ZFHX3: variants seen among roughly 807,000 people sequenced by gnomAD.
ZFHX3 encodes zinc finger homeobox protein 3.
Under a neutral mutation model 279.1 loss-of-function variants are expected in ZFHX3, and 42 were observed. The observed-to-expected ratio is 0.15, with a 90% CI of 0.12 to 0.19. The LOEUF is 0.19. Ranked by LOEUF, ZFHX3 falls within the 10% of genes least tolerant of loss-of-function variation. ZFHX3 has a pLI of 1.00. For missense variants in ZFHX3, 4,981 were observed against 4,754.0 expected (o/e 1.05, Z -1.40); for synonymous variants, 2,293 against 1,957.8 (o/e 1.17, Z -4.52).
chr16:73,738,262 CA>C (rs1489998634), intron 1 of ZFHX3, among the ~76,000 whole-genome samples: 7 of 152,168 alleles, frequency 4.6e-5, no homozygotes, highest in Admixed American at 2.6e-4. Context: ...ACCCTTGCAG[CA>C]GGCTCTCTAG....
chr16:73,593,511 A>G (rs935333967), intron 2 of ZFHX3, among the ~76,000 whole-genome samples: 2 of 141,308 alleles, frequency 1.4e-5, no homozygotes, highest in African/African-American at 5.1e-5. Context: ...CAGGTTCTAT[A>G]TTTGTGGATT....
chr16:73,549,806 T>C (rs566651321), intron 2 of ZFHX3, among the ~76,000 whole-genome samples: 4 of 152,082 alleles, frequency 2.6e-5, no homozygotes, highest in African/African-American at 9.6e-5. Flanking sequence ...TTTTTCTTCT[T>C]TTTCTTCTTC....
At chr16:72,904,746 C>T (rs1229295515) in intron 3 of ZFHX3, among the ~76,000 whole-genome samples, 1 of 151,248 alleles carries the variant, frequency 6.6e-6, no homozygotes, top group Non-Finnish European at 1.5e-5. Context: ...ATGCATTGCA[C>T]CTGAGCTAAA....
intron 4 of ZFHX3, among the ~76,000 whole-genome samples, chr16:72,883,295 C>T (rs1290503865): frequency 2.0e-5 from 3 of 152,090 alleles, no homozygotes; most frequent in Non-Finnish European, 4.4e-5. Flanking sequence ...AGGAGAATCA[C>T]AGAGTAATCA....
intron 4 of ZFHX3, among the ~76,000 whole-genome samples, chr16:73,295,927 G>A (rs1027008929): frequency 1.3e-5 from 2 of 152,206 alleles, no homozygotes; most frequent in African/African-American, 4.8e-5. Flanking sequence ...AGCCACCTGT[G>A]TCTCTTGCCC....
At chr16:72,993,016 A>G (rs543330140) in intron 1 of ZFHX3, among the ~76,000 whole-genome samples, 2 of 152,352 alleles carry the variant, frequency 1.3e-5, no homozygotes, top group Admixed American at 1.3e-4. Flanking sequence ...AGGCGCCTGT[A>G]ATCCCAGCTA....
chr16:73,882,471 C>T (rs903963923), intron 1 of ZFHX3, among the ~76,000 whole-genome samples: 3 of 150,102 alleles, frequency 2.0e-5, no homozygotes, highest in Non-Finnish European at 4.4e-5. Flanking sequence ...TTTTTTTTTT[C>T]CCATCTCTAA....
intron 1 of ZFHX3, among the ~76,000 whole-genome samples, chr16:73,764,628 C>T (rs532671427): frequency 3.9e-5 from 6 of 152,112 alleles, no homozygotes; most frequent in Non-Finnish European, 8.8e-5. Context: ...GGAAGGAGAG[C>T]TCTCTATGTT....
intron 1 of ZFHX3, among the ~76,000 whole-genome samples, chr16:73,724,554 C>T (rs2053502181): frequency 6.6e-6 from 1 of 152,178 alleles, no homozygotes; most frequent in South Asian, 2.1e-4. Flanking sequence ...TTTGCCCAGC[C>T]TTGGTAGGCA....
At chr16:73,187,259 T>A (rs1427160624) in intron 5 of ZFHX3, among the ~76,000 whole-genome samples, 1 of 152,182 alleles carries the variant, frequency 6.6e-6, no homozygotes, top group African/African-American at 2.4e-5. Context: ...TTTCTCTTAT[T>A]TCCAGTTCAT....
At chr16:73,120,618 G>T (rs573133620) in intron 7 of ZFHX3, among the ~76,000 whole-genome samples, 2,327 of 114,060 alleles carry the variant, frequency 0.02, 71 homozygotes, top group African/African-American at 0.072. Context: ...TATTGTTTTT[G>T]TTTGTTTGTT....
chr16:73,698,886 T>C (rs1263311935), intron 1 of ZFHX3, among the ~76,000 whole-genome samples: 4 of 151,310 alleles, frequency 2.6e-5, no homozygotes, highest in Non-Finnish European at 5.9e-5. Flanking sequence ...GTTTGTTTGT[T>C]TGTTTGTTTG....
intron 1 of ZFHX3, among the ~76,000 whole-genome samples, chr16:72,977,765 A>C (rs1446770047): frequency 6.6e-6 from 1 of 152,184 alleles, no homozygotes; most frequent in African/African-American, 2.4e-5. Context: ...AAATCTGTGC[A>C]CAATTTCAAA....
chr16:72,840,850 T>C (rs1035965280), intron 4 of ZFHX3, among the ~76,000 whole-genome samples: 1 of 152,132 alleles, frequency 6.6e-6, no homozygotes, highest in Non-Finnish European at 1.5e-5. Context: ...AATAAGCTGA[T>C]TCATAAAAAC....
At chr16:73,623,118 G>A (rs1376046562) in intron 2 of ZFHX3, among the ~76,000 whole-genome samples, 1 of 151,748 alleles carries the variant, frequency 6.6e-6, no homozygotes, top group Non-Finnish European at 1.5e-5. Flanking sequence ...CTCACTGCAA[G>A]CTCCGCCTCC....
chr16:73,318,593 TC>T (rs1292493797), intron 3 of ZFHX3, among the ~76,000 whole-genome samples: 6 of 152,044 alleles, frequency 3.9e-5, no homozygotes, highest in Non-Finnish European at 1.5e-5. Flanking sequence ...AGGAAGGAGA[TC>T]TCCTTCTAGT....
chr16:72,961,923 C>T (rs998765112), intron 1 of ZFHX3, among the ~76,000 whole-genome samples: 4 of 144,340 alleles, frequency 2.8e-5, no homozygotes, highest in Admixed American at 6.9e-5. Flanking sequence ...CCAAACCAAA[C>T]CAAACCAAAC....
intron 7 of ZFHX3, among the ~76,000 whole-genome samples, chr16:73,115,337 T>C (rs115619476): frequency 3.0e-4 from 43 of 144,430 alleles, no homozygotes; most frequent in African/African-American, 1.1e-3. Flanking sequence ...GTCTAGGAGT[T>C]TGAGACCAGC....
intron 3 of ZFHX3, among the ~76,000 whole-genome samples, chr16:73,396,519 G>T (rs572245585): frequency 6.6e-6 from 1 of 152,060 alleles, no homozygotes; most frequent in Non-Finnish European, 1.5e-5. Context: ...AATTTATAAA[G>T]GAAAGAGATT....
Sources: allele counts gnomAD v4.1 joint callset (sites outside exome capture counted in the v4.1 genomes callset), GRCh38; gene constraint gnomAD v4.1.1; transcripts MANE v1.5; gene names NCBI Gene and HGNC (gene_info 2026-07-23, HGNC 2026-07-21).